CNTN3: variants seen among roughly 807,000 people sequenced by gnomAD.
CNTN3 encodes the protein contactin-3.
A neutral mutation model predicts 119.1 loss-of-function variants in CNTN3; 60 were observed. The ratio of observed to expected loss-of-function variants is 0.50; its 90% CI spans 0.41 to 0.62. CNTN3 has a LOEUF of 0.62. Among genes scored for constraint, CNTN3 ranks in the 20% least tolerant of loss-of-function variants. CNTN3 has a pLI of 0.00. For synonymous variants in CNTN3, 450 were observed against 438.7 expected (o/e 1.03, Z -0.32); for missense variants, 1,101 against 1,242.4 (o/e 0.89, Z 1.71).
At chr3:74,564,507 C>A (rs1704199063) in intron 1 of CNTN3, among the ~76,000 whole-genome samples, 1 of 150,992 alleles carries the variant, frequency 6.6e-6, no homozygotes, top group Admixed American at 6.7e-5. Context: ...TGGAGAAGGG[C>A]AAAGGCAGGA....
At chr3:74,424,602 C>A (rs1054830463) in intron 5 of CNTN3, among the ~76,000 whole-genome samples, 1 of 152,062 alleles carries the variant, frequency 6.6e-6, no homozygotes, top group Non-Finnish European at 1.5e-5. Flanking sequence ...CGTTAGGTGA[C>A]TGAAGCAAAT....
At chr3:74,344,303 G>C (rs1357341095) in intron 11 of CNTN3, among the ~76,000 whole-genome samples, 1 of 150,332 alleles carries the variant, frequency 6.7e-6, no homozygotes, top group Non-Finnish European at 1.5e-5. Context: ...TTGCAAGATA[G>C]AATAGTTTTG....
intron 4 of CNTN3, among the ~76,000 whole-genome samples, chr3:74,466,794 A>G (rs1204252931): frequency 6.6e-6 from 1 of 152,136 alleles, no homozygotes; most frequent in Admixed American, 6.5e-5. Context: ...AGATATTAGG[A>G]ATAAAAAAGA....
Position 74,310,422 on chromosome 3 carries a change from C to T in CNTN3, c.1669-7615G>A, listed in dbSNP as rs114184996. ...AACAGGCATCATCGAGGACTCATCT[C>T]CATTGGACACTTCACTAGGTGGGGG... On this transcript the variant is annotated intron_variant, in intron 13 of 22. Transcript: ENST00000263665. Among the ~76,000 whole-genome samples the T allele has an allele frequency of 5.7e-3, 860 of 152,150 alleles. 7 individuals are homozygous for T. Among genetic ancestry groups the T allele is most frequent in the African/African-American group, 0.02 (824 of 41,508 alleles).
At chr3:74,577,942 G>A (rs181982597) in intron 1 of CNTN3, among the ~76,000 whole-genome samples, 34 of 152,102 alleles carry the variant, frequency 2.2e-4, no homozygotes, top group African/African-American at 7.2e-4. Context: ...ACTGATGAAA[G>A]TTGCATTTTA....
At chr3:74,510,800 C>G (rs959325182) in intron 2 of CNTN3, among the ~76,000 whole-genome samples, 33 of 152,064 alleles carry the variant, frequency 2.2e-4, no homozygotes, top group African/African-American at 7.7e-4. Flanking sequence ...AAGTAATCAA[C>G]AAGCAATTCT....
chr3:74,392,930 G>C (rs1559579023), intron 5 of CNTN3, among the ~76,000 whole-genome samples: 1 of 146,600 alleles, frequency 6.8e-6, no homozygotes, highest in South Asian at 2.2e-4. Context: ...TCAAGGTCTA[G>C]AACATTCCCA....
chr3:74,364,964 C>T (rs1228220496), intron 9 of CNTN3, among the ~76,000 whole-genome samples: 2 of 152,072 alleles, frequency 1.3e-5, no homozygotes, highest in Non-Finnish European at 2.9e-5. Context: ...GAAATGTTTT[C>T]ACTATGTCTT....
intron 13 of CNTN3, among the ~76,000 whole-genome samples, chr3:74,326,476 G>A (rs862822): frequency 0.25 from 38,685 of 151,882 alleles, 5,872 homozygotes; most frequent in East Asian, 0.71. Flanking sequence ...GGAACATTCA[G>A]AATCCTGTAT....
chr3:74,508,381 G>C (rs1703302635), intron 2 of CNTN3, among the ~76,000 whole-genome samples: 1 of 152,096 alleles, frequency 6.6e-6, no homozygotes, highest in African/African-American at 2.4e-5. Context: ...CTTAATAGCA[G>C]TATGAAAATG....
intron 13 of CNTN3, among the ~76,000 whole-genome samples, chr3:74,321,432 T>C (rs1702986159): frequency 6.6e-6 from 1 of 152,150 alleles, no homozygotes; most frequent in African/African-American, 2.4e-5. Context: ...GGAAAATTTA[T>C]GTCATTGAGT....
At chr3:74,521,692 TATGTATGCTG>T (rs1703545963) in intron 1 of CNTN3, among the ~76,000 whole-genome samples, 4 of 151,842 alleles carry the variant, frequency 2.6e-5, no homozygotes, top group Non-Finnish European at 5.9e-5. Flanking sequence ...AGCTCCCAAT[TATGTATGCTG>T]TGTAAAACAG....
intron 13 of CNTN3, among the ~76,000 whole-genome samples, chr3:74,333,464 C>CGTG (rs1365038485): frequency 6.6e-6 from 1 of 152,190 alleles, no homozygotes; most frequent in Non-Finnish European, 1.5e-5. Flanking sequence ...TGGCAGCACA[C>CGTG]CTCTGTTCTG....
At chr3:74,542,249 C>CT in intron 1 of CNTN3, among the ~76,000 whole-genome samples, 1 of 152,048 alleles carries the variant, frequency 6.6e-6, no homozygotes, top group Non-Finnish European at 1.5e-5. Flanking sequence ...GTAGCATACT[C>CT]TAGCCTCTTC....
chr3:74,539,629 A>G (rs375990327), intron 1 of CNTN3, among the ~76,000 whole-genome samples: 18 of 152,132 alleles, frequency 1.2e-4, no homozygotes, highest in African/African-American at 4.3e-4. Context: ...CAGTCCCTAC[A>G]TAGATATCTG....
In CNTN3 at chr3:74,301,732, T is replaced by C; in HGVS notation, c.1860A>G (p.Glu620=). ...TAACTGGGCTATGGTTGTCTTTACC[T>C]TCTTTCCAAGAGAGTTGGGCTGTTG... ...TDTTAQLSWK[E]GKDNHSPVIS... Residue 620 remains glutamate (E), a synonymous_variant, in exon 15 of 23, where the codon GAA becomes GAG. Transcript: ENST00000263665. 1 of 1,614,136 alleles carries C rather than the reference T, an allele frequency of 6.2e-7. No individual in the cohort carries two copies. The highest frequency in any genetic ancestry group is 8.5e-7 in the Non-Finnish European group (1 of 1,179,978).
Position 74,381,800 on chromosome 3 carries a change from A to G in CNTN3, c.455-10401T>C, listed in dbSNP as rs183138256. ...AATTTTAATAATTTAGCTAAAAAAAAGCCCTCCTGATGTTACAGAGAAATA... is the reference window on the plus strand; with the variant it reads ...AATTTTAATAATTTAGCTAAAAAAAGGCCCTCCTGATGTTACAGAGAAATA... On this transcript the variant is annotated intron_variant, in intron 5 of 22. Coordinates refer to ENST00000263665, the MANE Select transcript of CNTN3 (RefSeq NM_020872.3). Among the ~76,000 whole-genome samples, 88 of 152,324 alleles carry G rather than the reference A, an allele frequency of 5.8e-4. No homozygotes were observed. The East Asian group carries it at 0.01, about 17-fold the overall frequency.
chr3:74,544,426 G>T (rs898246494), intron 1 of CNTN3, among the ~76,000 whole-genome samples: 3 of 152,150 alleles, frequency 2.0e-5, no homozygotes, highest in Non-Finnish European at 4.4e-5. Flanking sequence ...AACACAAGAA[G>T]ATTTAATGAT....
chr3:74,278,417 C>A (rs1321779415), intron 20 of CNTN3, among the ~76,000 whole-genome samples: 1 of 152,074 alleles, frequency 6.6e-6, no homozygotes, highest in African/African-American at 2.4e-5. Context: ...GGAGCATAGA[C>A]CAATGGAGCA....
Sources: gnomAD v4.1 joint callset for allele counts (sites outside exome capture counted in the v4.1 genomes callset) on GRCh38, gnomAD v4.1.1 for gene constraint, MANE v1.5 for transcripts, NCBI Gene and HGNC (gene_info 2026-07-23, HGNC 2026-07-21) for gene names.